SLIT2: variants seen among roughly 807,000 people sequenced by gnomAD.
SLIT2 encodes slit guidance ligand 2.
Under a neutral mutation model 185.7 loss-of-function variants are expected in SLIT2, and 41 were observed. The observed-to-expected ratio is 0.22, with a 90% CI of 0.17 to 0.29. The LOEUF is 0.29. Among genes scored for constraint, SLIT2 ranks in the 10% least tolerant of loss-of-function variants. The probability of loss-of-function intolerance (pLI) is 1.00; values close to 1 mark genes in which losing one functional copy is unlikely to be tolerated. For missense variants in SLIT2, 1,571 were observed against 1,909.0 expected, an observed-to-expected ratio of 0.82 and a Z score of 3.30; for synonymous variants, 693 against 680.2, an observed-to-expected ratio of 1.02 and a Z score of -0.29.
At chr4:20,485,775 C>A (rs567789288) in intron 6 of SLIT2, among the ~76,000 whole-genome samples, 135 of 152,238 alleles carry the variant, frequency 8.9e-4, no homozygotes, top group African/African-American at 3.0e-3. Flanking sequence ...TATGAGAAAT[C>A]AGTAAAAGAA....
intron 4 of SLIT2, among the ~76,000 whole-genome samples, chr4:20,271,024 G>A (rs1713546307): frequency 6.6e-6 from 1 of 151,838 alleles, no homozygotes; most frequent in Admixed American, 6.6e-5. Flanking sequence ...ATAAACAAAG[G>A]AACACGTGCT....
intron 4 of SLIT2, 103 bp from the exon 5 acceptor site, chr4:20,467,649 T>C (rs901150471): frequency 1.5e-5 from 9 of 609,294 alleles, no homozygotes; most frequent in Non-Finnish European, 2.5e-5. Flanking sequence ...TTTAGGGTTT[T>C]CTTTTTTCTT....
chr4:20,261,731 A>G (rs1712497363), intron 3 of SLIT2, among the ~76,000 whole-genome samples: 1 of 151,916 alleles, frequency 6.6e-6, no homozygotes, highest in Non-Finnish European at 1.5e-5. Context: ...AGTGAAATGC[A>G]TATATGCCTA....
intron 3 of SLIT2, among the ~76,000 whole-genome samples, chr4:20,261,455 G>GT (rs1225835169): frequency 6.6e-6 from 1 of 151,644 alleles, no homozygotes; most frequent in Non-Finnish European, 1.5e-5. Flanking sequence ...GTCCTAGAGG[G>GT]TTAAAAAAAT....
intron 4 of SLIT2, among the ~76,000 whole-genome samples, chr4:20,350,784 G>A (rs1405208363): frequency 6.6e-6 from 1 of 151,990 alleles, no homozygotes; most frequent in African/African-American, 2.4e-5. Flanking sequence ...TTGAGGCCAC[G>A]AGTTTGAGAC....
chr4:20,282,492 A>G (rs1005442299), intron 4 of SLIT2, among the ~76,000 whole-genome samples: 2 of 152,184 alleles, frequency 1.3e-5, no homozygotes, highest in African/African-American at 2.4e-5. Context: ...AATTCTCAAG[A>G]ATATGTAATA....
intron 11 of SLIT2, among the ~76,000 whole-genome samples, chr4:20,518,557 GTATA>G (rs1159322360): frequency 0.019 from 341 of 17,850 alleles, 19 homozygotes; most frequent in East Asian, 0.045. Context: ...CAGCCTATAT[GTATA>G]TATATATATA....
At chr4:20,364,884 T>A (rs1020368763) in intron 4 of SLIT2, among the ~76,000 whole-genome samples, 10 of 152,160 alleles carry the variant, frequency 6.6e-5, no homozygotes, top group African/African-American at 2.4e-4. Flanking sequence ...TTGAAGGCTC[T>A]TTTTACTCTT....
chr4:20,504,894 T>A (rs1354823616), intron 9 of SLIT2, among the ~76,000 whole-genome samples: 2 of 152,036 alleles, frequency 1.3e-5, no homozygotes, highest in Non-Finnish European at 2.9e-5. Flanking sequence ...GTAATAATTG[T>A]TGTATTTTAT....
intron 4 of SLIT2, among the ~76,000 whole-genome samples, chr4:20,426,327 CA>C (rs1242464263): frequency 2.0e-5 from 3 of 152,024 alleles, no homozygotes; most frequent in Non-Finnish European, 4.4e-5. Flanking sequence ...ATGATGTATA[CA>C]AAAACAAATT....
intron 4 of SLIT2, among the ~76,000 whole-genome samples, chr4:20,278,755 G>A (rs1714425778): frequency 1.5e-5 from 2 of 129,842 alleles, no homozygotes; most frequent in African/African-American, 2.8e-5. Flanking sequence ...ATTCTAAATG[G>A]TATAGTTTGT....
At chr4:20,573,672 G>A (rs560008760) in intron 29 of SLIT2, among the ~76,000 whole-genome samples, 2 of 152,190 alleles carry the variant, frequency 1.3e-5, no homozygotes, top group African/African-American at 4.8e-5. Flanking sequence ...AAATTTTTAA[G>A]TAAGACTGTT....
At position 20,256,307 on chromosome 4, in the gene SLIT2, CT is replaced by C. The variant is rs1306203864; in HGVS notation, c.180-356del. Reference sequence around the variant, plus strand: ...TGGGCATTTAACCTCCTGAAGGGAACTTTTTTTTTGGGGGGGGTGCCTAACA... The same window carrying C: ...TGGGCATTTAACCTCCTGAAGGGAACTTTTTTTTGGGGGGGGTGCCTAACA... On this transcript the variant is annotated intron_variant, in intron 1 of 36. Transcript: ENST00000504154. Among the ~76,000 whole-genome samples the C allele has an allele frequency of 9.8e-4, 123 of 125,794 alleles. 1 individual carries two copies. Among genetic ancestry groups the C allele is most frequent in the African/African-American group, 3.3e-3 (107 of 32,746 alleles). 82.5% of individuals were successfully genotyped at this position (125,794 alleles called of 152,430 possible).
chr4:20,586,111 G>A (rs1016407595), intron 29 of SLIT2, among the ~76,000 whole-genome samples: 5 of 152,132 alleles, frequency 3.3e-5, no homozygotes, highest in African/African-American at 9.7e-5. Flanking sequence ...TTGAGCTCCT[G>A]AATCTCGCCA....
chr4:20,445,400 A>G (rs1411620274), intron 4 of SLIT2, among the ~76,000 whole-genome samples: 3 of 152,226 alleles, frequency 2.0e-5, no homozygotes, highest in African/African-American at 4.8e-5. Context: ...ACAAATACAA[A>G]CTCTGTAGGG....
chr4:20,258,088 A>T, intron 3 of SLIT2, 149 bp downstream of exon 3: 1 of 513,270 alleles, frequency 1.9e-6, no homozygotes, highest in Non-Finnish European at 3.5e-6. Flanking sequence ...AGGTTAATTT[A>T]TGACAAATAG....
chr4:20,543,067 C>T (rs16869749), intron 21 of SLIT2, among the ~76,000 whole-genome samples: 8,906 of 151,824 alleles, frequency 0.059, 460 homozygotes, highest in African/African-American at 0.14. Context: ...ATATTCTGTA[C>T]AGGAAACTTT....
chr4:20,341,222 A>G (rs7687359), intron 4 of SLIT2, among the ~76,000 whole-genome samples: 132,148 of 152,232 alleles, frequency 0.87, 57,542 homozygotes, highest in African/African-American at 0.92. Flanking sequence ...AGACTTTAGC[A>G]AAGGAGAGCT....
intron 9 of SLIT2, 56 bp downstream of exon 9, chr4:20,491,955 A>G (rs1231814230): frequency 3.8e-6 from 6 of 1,570,614 alleles, no homozygotes. Flanking sequence ...CCAAACTTTG[A>G]TTTTCTTTGG....
Sources: gnomAD v4.1 joint callset for allele counts (sites outside exome capture counted in the v4.1 genomes callset) on GRCh38, gnomAD v4.1.1 for gene constraint, MANE v1.5 for transcripts, NCBI Gene and HGNC (gene_info 2026-07-23, HGNC 2026-07-21) for gene names.